Variants in SLC16A1 observed in about 807,000 individuals in gnomAD.
The protein encoded by SLC16A1 is solute carrier family 16 member 1, also known as monocarboxylate transporter 1.
A neutral mutation model predicts 32.2 loss-of-function variants in SLC16A1; 11 were observed. The ratio of observed to expected loss-of-function variants is 0.34; its 90% confidence interval spans 0.21 to 0.56. The LOEUF is 0.56. Ranked by LOEUF, SLC16A1 falls within the 20% of genes least tolerant of loss-of-function variation. The probability of loss-of-function intolerance (pLI) is 0.87; values close to 1 mark genes in which losing one functional copy is unlikely to be tolerated. For missense variants in SLC16A1, 435 were observed against 615.0 expected (o/e 0.71, Z 3.10); for synonymous variants, 231 against 226.8 (o/e 1.02, Z -0.17).
intron 4 of SLC16A1, among the ~76,000 whole-genome samples, chr1:112,915,002 A>G (rs899862319): frequency 1.3e-5 from 2 of 152,188 alleles, no homozygotes; most frequent in Non-Finnish European, 2.9e-5. Context: ...CTCTGGGAAA[A>G]TTCTACTCTA....
At chr1:112,918,595 A>G (rs1007696065) in intron 3 of SLC16A1, among the ~76,000 whole-genome samples, 56 of 152,184 alleles carry the variant, frequency 3.7e-4, no homozygotes, top group African/African-American at 1.4e-3. Flanking sequence ...AAGGCCAGGC[A>G]TTCAAGACCA....
At chr1:112,932,512 C>A (rs1010768767) in intron 1 of SLC16A1, among the ~76,000 whole-genome samples, 1 of 151,564 alleles carries the variant, frequency 6.6e-6, no homozygotes, top group African/African-American at 2.4e-5. Flanking sequence ...CAGAGCAAGA[C>A]CTTGTCTCGG....
At chr1:112,949,971 A>G (rs934550105) in intron 1 of SLC16A1, among the ~76,000 whole-genome samples, 2 of 152,244 alleles carry the variant, frequency 1.3e-5, no homozygotes, top group African/African-American at 2.4e-5. Context: ...ACTAATTTTG[A>G]GGTAGTGATA....
rs759665401 is a variant in SLC16A1, at chr1:112,917,738, T to G, written c.668A>C (p.Lys223Thr). The G allele has an allele frequency of 1.2e-6, 2 of 1,614,258 alleles. No homozygotes were observed. The highest frequency in any genetic ancestry group is 2.2e-5 in the South Asian group (2 of 91,092). ...TGTATTTGCATCATGCAGATCTTTTTTCACACCAGATTTTCCAGCTTTCTC... is the reference window on the plus strand; with the variant it reads ...TGTATTTGCATCATGCAGATCTTTTGTCACACCAGATTTTCCAGCTTTCTC... Reference protein sequence around the residue: ...SLEKAGKSGVKKDLHDANTDL... With the variant: ...SLEKAGKSGVTKDLHDANTDL... Residue 223 changes from lysine to threonine, a missense_variant, in exon 4 of 5, where the codon AAA becomes ACA. This residue lies in a region of SLC16A1 where 324 missense variants were observed against 500.3 expected (regional missense o/e 0.65). Coordinates refer to ENST00000369626, the MANE Select transcript of SLC16A1 (RefSeq NM_003051.4). This position sits in a 1 kb window ranked among gnomAD's most constrained non-coding sequence, Gnocchi z 4.1.
intron 2 of SLC16A1, among the ~76,000 whole-genome samples, chr1:112,926,909 A>T (rs1199495338): frequency 8.2e-6 from 1 of 121,846 alleles, no homozygotes; most frequent in Non-Finnish European, 1.7e-5. Context: ...AATAAATAAT[A>T]AAAAAACTTA....
At chr1:112,920,730 G>C (rs1648694946) in intron 3 of SLC16A1, among the ~76,000 whole-genome samples, 1 of 152,092 alleles carries the variant, frequency 6.6e-6, no homozygotes, top group South Asian at 2.1e-4. Context: ...AACTTTCTCA[G>C]GATGACATAC....
At chr1:112,942,538 T>A (rs1402812841) in intron 1 of SLC16A1, among the ~76,000 whole-genome samples, 1 of 152,224 alleles carries the variant, frequency 6.6e-6, no homozygotes, top group African/African-American at 2.4e-5. Context: ...GACAGCTGCC[T>A]GGCAATCAAT....
intron 1 of SLC16A1, among the ~76,000 whole-genome samples, chr1:112,945,459 G>A (rs927762507): frequency 1.9e-4 from 29 of 151,748 alleles, no homozygotes; most frequent in African/African-American, 6.8e-4. Flanking sequence ...TGGATCACCT[G>A]AGGTCAGGAG....
At position 112,950,279 on chromosome 1, in the gene SLC16A1, T is replaced by C. The variant is rs180894106; in HGVS notation, c.-45+5756A>G. Among the ~76,000 whole-genome samples the C allele has an allele frequency of 5.9e-3, 904 of 152,228 alleles. 2 individuals are homozygous for C. The highest frequency in any genetic ancestry group is 9.7e-3 in the Non-Finnish European group (658 of 67,990). On this transcript the variant is annotated intron_variant, in intron 1 of 4. Coordinates refer to ENST00000369626, the MANE Select transcript of SLC16A1 (RefSeq NM_003051.4). ...CAGGTCAATAAAGTACAAACATAAG[T>C]TTTGGTTTCCAAAACTCAATAAGAC...
At chr1:112,927,418 C>A (rs2101631945) in intron 2 of SLC16A1, among the ~76,000 whole-genome samples, 1 of 152,068 alleles carries the variant, frequency 6.6e-6, no homozygotes, top group South Asian at 2.1e-4. Flanking sequence ...AAAACAAAAC[C>A]AACCATATCT....
In SLC16A1 at chr1:112,929,339, T is replaced by C. The variant is rs777381805; in HGVS notation, c.-31A>G. ...GTGTAGATAAATTCCAAAATGCAGGTCAAATCCAAATATCTGAAAGACATA... is the reference window on the plus strand; with the variant it reads ...GTGTAGATAAATTCCAAAATGCAGGCCAAATCCAAATATCTGAAAGACATA... On this transcript the variant is annotated 5_prime_UTR_variant, in exon 2 of 5. Transcript: ENST00000369626. The C allele has an allele frequency of 6.4e-7, 1 of 1,565,366 alleles. No individual in the cohort carries two copies. The highest frequency in any genetic ancestry group is 8.8e-7 in the Non-Finnish European group (1 of 1,137,078).
At chr1:112,922,921 G>T (rs1311125620) in intron 2 of SLC16A1, among the ~76,000 whole-genome samples, 2 of 151,830 alleles carry the variant, frequency 1.3e-5, no homozygotes, top group Admixed American at 6.6e-5. Context: ...GTGGTGTTGT[G>T]TTTTTTTTGA....
chr1:112,933,999 C>CT (rs1397637876), intron 1 of SLC16A1, among the ~76,000 whole-genome samples: 1 of 152,084 alleles, frequency 6.6e-6, no homozygotes, highest in Non-Finnish European at 1.5e-5. Flanking sequence ...TAATAGAATA[C>CT]TACTCAGCAA....
chr1:112,918,039 C>A lies in SLC16A1; in HGVS notation c.367G>T (p.Gly123Trp). ...GCTGGATTCAAGTTGAAGGCAAGCC[C>A]AAGACCTGTGAAGACAATAAATAAA... is the stretch of plus-strand genomic sequence containing the variant. ...YVCIGVIGGL[G>W]LAFNLNPALT... The change falls in exon 4 of 5, where the codon GGG (glycine) becomes TGG (tryptophan). Residue 123 changes from glycine to tryptophan, a missense_variant. Gly to Trp is a radical substitution (Grantham distance 184). Transcript: ENST00000369626. 1 of 1,552,954 alleles carries A rather than the reference C, an allele frequency of 6.4e-7. No individual in the cohort carries two copies. Among genetic ancestry groups the A allele is most frequent in the Non-Finnish European group, 8.6e-7 (1 of 1,158,406 alleles).
chr1:112,950,931 A>G (rs1649870294), intron 1 of SLC16A1, among the ~76,000 whole-genome samples: 1 of 152,178 alleles, frequency 6.6e-6, no homozygotes, highest in African/African-American at 2.4e-5. Context: ...CAGGAGTTAC[A>G]GGCTGCAGTG....
At chr1:112,945,861 G>A (rs1179781917) in intron 1 of SLC16A1, among the ~76,000 whole-genome samples, 2 of 151,574 alleles carry the variant, frequency 1.3e-5, no homozygotes, top group East Asian at 3.9e-4. Context: ...GCATGGTGGC[G>A]CACGCCTGTA....
At chr1:112,940,489 A>G (rs548607383) in intron 1 of SLC16A1, among the ~76,000 whole-genome samples, 3 of 152,310 alleles carry the variant, frequency 2.0e-5, no homozygotes, top group African/African-American at 7.2e-5. Flanking sequence ...ACGTGACTAA[A>G]TTGATACCTA....
At chr1:112,945,490 C>T (rs996814768) in intron 1 of SLC16A1, among the ~76,000 whole-genome samples, 31 of 150,880 alleles carry the variant, frequency 2.1e-4, no homozygotes, top group Non-Finnish European at 3.5e-4. Context: ...GCCTGGCCAA[C>T]GTGGTGAAAC....
intron 3 of SLC16A1, among the ~76,000 whole-genome samples, chr1:112,921,586 C>T (rs1648738226): frequency 6.6e-6 from 1 of 152,090 alleles, no homozygotes; most frequent in South Asian, 2.1e-4. Flanking sequence ...TGCTCATCAA[C>T]AGTTCATTAT....
Sources: allele counts gnomAD v4.1 joint callset (sites outside exome capture counted in the v4.1 genomes callset), GRCh38; gene constraint gnomAD v4.1.1; regional missense constraint gnomAD v4.1.1; non-coding constraint Gnocchi (gnomAD v3.1); transcripts MANE v1.5; gene names NCBI Gene and HGNC (gene_info 2026-07-23, HGNC 2026-07-21).